Variants in SH2D4A observed in about 807,000 individuals in gnomAD.
SH2D4A encodes SH2 domain-containing protein 4A.
Under a neutral mutation model 64.7 loss-of-function variants are expected in SH2D4A, and 70 were observed. That is an observed-to-expected ratio of 1.08 (90% confidence interval 0.89 to 1.32). The LOEUF (loss-of-function observed/expected upper bound fraction) is 1.32, where lower values mean the gene tolerates loss of function less well. SH2D4A is among the 40% of genes most tolerant of loss of function. The probability of loss-of-function intolerance (pLI) is 0.00; values close to 1 mark genes in which losing one functional copy is unlikely to be tolerated. For synonymous variants in SH2D4A, 268 were observed against 200.7 expected (o/e 1.34, Z -2.83); for missense variants, 706 against 540.1 (o/e 1.31, Z -3.04).
intron 2 of SH2D4A, among the ~76,000 whole-genome samples, chr8:19,326,911 C>G (rs143288113): frequency 3.3e-5 from 5 of 152,296 alleles, no homozygotes; most frequent in African/African-American, 1.2e-4. Flanking sequence ...CCTGTCGAGC[C>G]CATCACCTGG....
intron 7 of SH2D4A, among the ~76,000 whole-genome samples, chr8:19,367,343 A>T (rs2053014123): frequency 6.6e-6 from 1 of 151,564 alleles, no homozygotes; most frequent in African/African-American, 2.4e-5. Context: ...ATAATGGTAT[A>T]CTAATTTATA....
chr8:19,355,243 C>T (rs954062389), intron 4 of SH2D4A, among the ~76,000 whole-genome samples: 1 of 152,088 alleles, frequency 6.6e-6, no homozygotes, highest in African/African-American at 2.4e-5. Flanking sequence ...GATCTTATAT[C>T]ATCAAAGAAA....
chr8:19,394,856 A>G lies in SH2D4A; in HGVS notation c.*214A>G, dbSNP rs1282603702. On this transcript the variant is annotated 3_prime_UTR_variant, in exon 10 of 10. Transcript: ENST00000265807. ...AGAAAATGACCTCTGCTCAAAAGGG[A>G]GAAGAGTCTCAATTTCAGCAAGTAC... The G allele has an allele frequency of 5.2e-6, 2 of 387,034 alleles. 1 individual carries two copies. The highest frequency in any genetic ancestry group is 7.8e-5 in the East Asian group (2 of 25,566). The allele number at this position is 387,034 out of a possible 1,614,324, so 24.0% of individuals were successfully genotyped here. A position where few individuals can be genotyped will look rare whatever the true frequency, so the allele number is the denominator to read the frequency against.
chr8:19,321,684 CT>C (rs2052194502), intron 2 of SH2D4A, among the ~76,000 whole-genome samples: 1 of 152,164 alleles, frequency 6.6e-6, no homozygotes, highest in African/African-American at 2.4e-5. Context: ...GTTTATGCAC[CT>C]TCTTGGATTC....
intron 5 of SH2D4A, among the ~76,000 whole-genome samples, chr8:19,358,919 T>C (rs1335910249): frequency 1.3e-5 from 2 of 152,182 alleles, no homozygotes; most frequent in Non-Finnish European, 2.9e-5. Context: ...ACCCTGGGCA[T>C]CTGGATTAGC....
intron 2 of SH2D4A, among the ~76,000 whole-genome samples, chr8:19,325,721 T>C (rs545825548): frequency 6.6e-6 from 1 of 152,338 alleles, no homozygotes; most frequent in Admixed American, 6.5e-5. Flanking sequence ...TCCCCAACTT[T>C]CTTTCTCTCC....
intron 7 of SH2D4A, among the ~76,000 whole-genome samples, chr8:19,373,035 T>C (rs1017341495): frequency 6.6e-6 from 1 of 152,122 alleles, no homozygotes; most frequent in African/African-American, 2.4e-5. Flanking sequence ...GGTAAAAGTG[T>C]ATTTTGCCTT....
At chr8:19,327,157 A>C (rs1277093052) in intron 2 of SH2D4A, among the ~76,000 whole-genome samples, 1 of 152,160 alleles carries the variant, frequency 6.6e-6, no homozygotes, top group Non-Finnish European at 1.5e-5. Flanking sequence ...AGCAGGACTG[A>C]CCCGCCTTTC....
intron 7 of SH2D4A, among the ~76,000 whole-genome samples, chr8:19,367,833 T>A (rs1018304059): frequency 6.6e-6 from 1 of 152,078 alleles, no homozygotes; most frequent in East Asian, 1.9e-4. Context: ...CCCAGCACTT[T>A]GGGAGGCTGG....
chr8:19,369,260 A>G (rs1314977604), intron 7 of SH2D4A, among the ~76,000 whole-genome samples: 2 of 151,982 alleles, frequency 1.3e-5, no homozygotes, highest in South Asian at 2.1e-4. Context: ...TTTTGTATCT[A>G]TGTTCATCAT....
chr8:19,357,206 C>T lies in SH2D4A; in HGVS notation c.517C>T (p.Leu173Phe), dbSNP rs754891726. Reference protein sequence around the residue: ...PTLEEEKIRSLSSSSRNIQQM... With the variant: ...PTLEEEKIRSFSSSSRNIQQM... ...ATGTGTTTCGTTTAATTTTTAGTCA[C>T]TCTCCAGTTCTTCAAGAAATATTCA... The change falls in exon 5 of 10, where the codon CTC becomes TTC. Residue 173 changes from leucine to phenylalanine, a missense_variant. Transcript: ENST00000265807. The T allele has an allele frequency of 7.4e-6, 12 of 1,612,352 alleles. No individual in the cohort carries two copies. In the Middle Eastern group the frequency reaches 4.9e-4, roughly 66 times the overall value.
At chr8:19,333,206 G>A in intron 3 of SH2D4A, 92 bp downstream of exon 3, 1 of 1,428,598 alleles carries the variant, frequency 7.0e-7, no homozygotes, top group East Asian at 2.4e-5. Flanking sequence ...TATCAGGTGG[G>A]AGAGTAGGGT....
chr8:19,314,200 C>A, intron 1 of SH2D4A: 4 of 729,382 alleles, frequency 5.5e-6, no homozygotes, highest in Non-Finnish European at 6.9e-6. Context: ...GGACACGCGG[C>A]GCGTGCTTCC....
At chr8:19,378,719 A>G (rs536292470) in intron 8 of SH2D4A, among the ~76,000 whole-genome samples, 3 of 152,178 alleles carry the variant, frequency 2.0e-5, no homozygotes, top group African/African-American at 7.2e-5. Context: ...AACCGTTTTT[A>G]AGTGTACCAT....
chr8:19,366,030 A>ATT (rs1183477511), intron 7 of SH2D4A, among the ~76,000 whole-genome samples: 1 of 152,208 alleles, frequency 6.6e-6, no homozygotes. Context: ...ATATATATAT[A>ATT]TATCTGACAG....
intron 2 of SH2D4A, among the ~76,000 whole-genome samples, chr8:19,325,613 C>T (rs141420397): frequency 5.5e-4 from 83 of 152,210 alleles, no homozygotes; most frequent in African/African-American, 1.9e-3. Context: ...CACTGATGTC[C>T]TCTCTCTATT....
At chr8:19,342,760 T>G (rs1019003746) in intron 4 of SH2D4A, among the ~76,000 whole-genome samples, 3 of 152,200 alleles carry the variant, frequency 2.0e-5, no homozygotes, top group Non-Finnish European at 2.9e-5. Context: ...TTAGAGTTTT[T>G]GGGCTTTTCC....
At position 19,395,592 on chromosome 8, in the gene SH2D4A, A is replaced by G. The variant is rs879214007; in HGVS notation, c.*950A>G. 1 of 152,190 alleles carries G rather than the reference A, an allele frequency of 6.6e-6. No individual in the cohort carries two copies. The highest frequency in any genetic ancestry group is 2.1e-4 in the South Asian group (1 of 4,826). 9.4% of individuals were successfully genotyped at this position (152,190 alleles called of 1,614,324 possible). A position where few individuals can be genotyped will look rare whatever the true frequency, so the allele number is the denominator to read the frequency against. ...CCTTAGGAGAAGAGAGAGTTTTGGT[A>G]ATAGACACAAATGCAGTGGGAAGAA... On this transcript the variant is annotated 3_prime_UTR_variant, in exon 10 of 10. Transcript: ENST00000265807.
intron 4 of SH2D4A, among the ~76,000 whole-genome samples, chr8:19,341,369 A>G (rs552296002): frequency 6.6e-6 from 1 of 152,314 alleles, no homozygotes; most frequent in South Asian, 2.1e-4. Flanking sequence ...CATTTGCTAT[A>G]AAAAATCTTC....
Sources: gnomAD v4.1 joint callset for allele counts (sites outside exome capture counted in the v4.1 genomes callset) on GRCh38, gnomAD v4.1.1 for gene constraint, MANE v1.5 for transcripts, NCBI Gene and HGNC (gene_info 2026-07-23, HGNC 2026-07-21) for gene names.